The following PCDHGA1 variants were observed in gnomAD, a reference collection of about 807,000 sequenced individuals.
PCDHGA1 encodes protocadherin gamma-A1.
A neutral mutation model predicts 58.0 loss-of-function variants in PCDHGA1; 32 were observed. The ratio of observed to expected loss-of-function variants is 0.55; its 90% CI spans 0.42 to 0.74. The LOEUF (loss-of-function observed/expected upper bound fraction) is 0.74. Among genes scored for constraint, PCDHGA1 ranks in the 30% least tolerant of loss-of-function variants. PCDHGA1 has a pLI of 0.00. For missense variants in PCDHGA1, 1,205 were observed against 1,182.3 expected, an observed-to-expected ratio of 1.02 and a Z score of -0.28; for synonymous variants, 498 against 501.1, an observed-to-expected ratio of 0.99 and a Z score of 0.08.
chr5:141,397,695 C>T lies in PCDHGA1; in HGVS notation c.2421+64590C>T, dbSNP rs146807025. ...AATGTATGCAGGTTTGTATAAAAAC[C>T]CAACGTGATATTTCTAACAATTTGG... On this transcript the variant is annotated intron_variant, in intron 1 of 3. Coordinates refer to ENST00000517417, the MANE Select transcript of PCDHGA1 (RefSeq NM_018912.3). 1.4e-3 allele frequency among the ~76,000 whole-genome samples: 211 copies of T among 152,210 alleles called. 1 individual carries two copies. Among genetic ancestry groups the T allele is most frequent in the African/African-American group, 4.7e-3 (197 of 41,534 alleles).
chr5:141,367,034 G>A, intron 1 of PCDHGA1: 2 of 369,536 alleles, frequency 5.4e-6, no homozygotes, highest in South Asian at 8.1e-5. Flanking sequence ...TGGAACTGCA[G>A]TTCTATTAAT....
chr5:141,486,287 A>G lies in PCDHGA1; in HGVS notation c.2422-8520A>G, dbSNP rs1484787777. Reference sequence around the variant, plus strand: ...AGAACCTGGCACTGTGGTGGCACTTATCAGTGTGCAGGATCCAGACTCAGG... The same window carrying G: ...AGAACCTGGCACTGTGGTGGCACTTGTCAGTGTGCAGGATCCAGACTCAGG... On this transcript the variant is annotated intron_variant, in intron 1 of 3. Transcript: ENST00000517417. The surrounding 1 kb of genome is among the most constrained non-coding windows in gnomAD (Gnocchi z 5.0). 1 of 1,613,912 alleles carries G rather than the reference A, an allele frequency of 6.2e-7. No homozygotes were observed. The highest frequency in any genetic ancestry group is 8.5e-7 in the Non-Finnish European group (1 of 1,179,970).
At chr5:141,419,959 T>C (rs765017440) in intron 1 of PCDHGA1, 5 of 1,614,104 alleles carry the variant, frequency 3.1e-6, no homozygotes, top group Non-Finnish European at 3.4e-6. Flanking sequence ...CCTTGATTTC[T>C]GTGCTCTTTC....
intron 1 of PCDHGA1, chr5:141,361,279 G>A (rs1456239638): frequency 1.2e-6 from 2 of 1,613,892 alleles, no homozygotes; most frequent in Middle Eastern, 1.6e-4. Context: ...AAATGGAGAA[G>A]TTTACTGCCA....
chr5:141,348,407 GA>G, intron 1 of PCDHGA1, among the ~76,000 whole-genome samples: 1 of 151,890 alleles, frequency 6.6e-6, no homozygotes, highest in East Asian at 1.9e-4. Context: ...TGTCTCAAAA[GA>G]AAAAGGCACG....
intron 1 of PCDHGA1, among the ~76,000 whole-genome samples, chr5:141,451,284 G>C (rs950768919): frequency 2.6e-5 from 4 of 152,186 alleles, no homozygotes; most frequent in African/African-American, 9.7e-5. Flanking sequence ...GAGTGCCTCT[G>C]CCTCAAAGTC....
In PCDHGA1 at chr5:141,395,071, A is replaced by G. The variant is rs767254764; in HGVS notation, c.2421+61966A>G. 27 of 1,614,100 alleles carry G rather than the reference A, an allele frequency of 1.7e-5. No individual in the cohort carries two copies. Among genetic ancestry groups the G allele is most frequent in the East Asian group, 2.2e-5 (1 of 44,880 alleles). The stretch of plus-strand genomic sequence containing the variant: ...GAGGTACAGGCTTTCCTGCAGACCT[A>G]TTCCCAGGAAGTCTCCCTCACCGCC... On this transcript the variant is annotated intron_variant, in intron 1 of 3. Transcript: ENST00000517417.
chr5:141,349,295 C>T (rs1758269433), intron 1 of PCDHGA1, among the ~76,000 whole-genome samples: 1 of 152,174 alleles, frequency 6.6e-6, no homozygotes, highest in South Asian at 2.1e-4. Context: ...GTCTCAAACT[C>T]CTGACCTCAT....
At position 141,383,329 on chromosome 5, in the gene PCDHGA1, G is replaced by A. The variant is rs143729030; in HGVS notation, c.2421+50224G>A. 347 of 1,613,980 alleles carry A rather than the reference G, an allele frequency of 2.1e-4. 3 individuals are homozygous for A. The East Asian group carries it at 5.6e-3, about 26-fold the overall frequency. On this transcript the variant is annotated intron_variant, in intron 1 of 3. Transcript: ENST00000517417. ...GGAAGAAATAAATGTAAAAATAATG[G>A]AGAATACAGCTCCTGGGGTTCGGTT...
chr5:141,433,367 C>CTATA, intron 1 of PCDHGA1: 2 of 549,818 alleles, frequency 3.6e-6, no homozygotes, highest in South Asian at 4.5e-5. Flanking sequence ...GCCTATCTAT[C>CTATA]TATCTATCTA....
chr5:141,389,597 G>A (rs372987681), intron 1 of PCDHGA1: 95 of 1,613,008 alleles, frequency 5.9e-5, no homozygotes, highest in Non-Finnish European at 7.5e-5. Context: ...ACGGCTCTGC[G>A]CTCTTCGATA....
chr5:141,431,839 T>A lies in PCDHGA1; in HGVS notation c.2422-62968T>A. The A allele has an allele frequency of 1.2e-6, 2 of 1,614,198 alleles. No individual in the cohort carries two copies. The highest frequency in any genetic ancestry group is 1.7e-6 in the Non-Finnish European group (2 of 1,180,028). The stretch of plus-strand genomic sequence containing the variant: ...TCGCCAGCTCGGTTCCCGAAAACTC[T>A]CCCAGAGGGACATTAATTGCCCTTT... On this transcript the variant is annotated intron_variant, in intron 1 of 3. Coordinates refer to ENST00000517417, the MANE Select transcript of PCDHGA1 (RefSeq NM_018912.3). This position sits in a 1 kb window ranked among gnomAD's most constrained non-coding sequence, Gnocchi z 4.8.
chr5:141,382,985 G>A (rs769787880), intron 1 of PCDHGA1: 50 of 1,613,304 alleles, frequency 3.1e-5, no homozygotes, highest in Non-Finnish European at 4.2e-5. Flanking sequence ...GCCTGGGCAG[G>A]ACGTATTCTC....
chr5:141,366,388 T>G, intron 1 of PCDHGA1: 5 of 1,614,152 alleles, frequency 3.1e-6, no homozygotes, highest in Non-Finnish European at 4.2e-6. Context: ...ACCCTGAGGA[T>G]CTGGACCTCA....
intron 1 of PCDHGA1, among the ~76,000 whole-genome samples, chr5:141,444,466 C>A (rs539222916): frequency 1.3e-5 from 2 of 151,982 alleles, no homozygotes; most frequent in African/African-American, 4.8e-5. Flanking sequence ...TCACTGCGCC[C>A]GGTCGCGTAC....
In PCDHGA1 at chr5:141,511,074, C is replaced by G; in HGVS notation, c.2697C>G (p.Ser899Arg). 1.2e-6 allele frequency: 2 copies of G among 1,614,238 alleles called. No homozygotes were observed. The highest frequency in any genetic ancestry group is 1.7e-6 in the Non-Finnish European group (2 of 1,180,040). ...GCCAGAATGTCTACATCCCAGGCAGCAATGCCACACTGACCAACGCAGCTG... is the reference window on the plus strand; with the variant it reads ...GCCAGAATGTCTACATCCCAGGCAGGAATGCCACACTGACCAACGCAGCTG... The part of the protein sequence containing the change: ...DYRQNVYIPG[S>R]NATLTNAAGK... Residue 899 changes from serine (S) to arginine (R), a missense_variant, in exon 4 of 4, where the codon AGC becomes AGG. Coordinates refer to ENST00000517417, the MANE Select transcript of PCDHGA1 (RefSeq NM_018912.3).
At chr5:141,481,220 C>T (rs896803040) in intron 1 of PCDHGA1, among the ~76,000 whole-genome samples, 1 of 152,130 alleles carries the variant, frequency 6.6e-6, no homozygotes, top group African/African-American at 2.4e-5. Context: ...GGTAAGGTCT[C>T]CCAGCCTTAA....
In PCDHGA1 at chr5:141,375,892, G is replaced by C. The variant is rs753797132; in HGVS notation, c.2421+42787G>C. On this transcript the variant is annotated intron_variant, in intron 1 of 3. Transcript: ENST00000517417. ...ACAGAGACTCGGGCCAGAACGCCTG[G>C]CTGTCCTACCGCCTGCTCAAGGCCA... is the stretch of plus-strand genomic sequence containing the variant. 5 of 1,613,676 alleles carry C rather than the reference G, an allele frequency of 3.1e-6. No individual in the cohort carries two copies. In the Admixed American group the frequency reaches 8.3e-5, roughly 27 times the overall value.
In PCDHGA1 at chr5:141,385,085, A is replaced by G. The variant is rs753751562; in HGVS notation, c.2421+51980A>G. The G allele has an allele frequency of 1.1e-5, 18 of 1,614,014 alleles. No homozygotes were observed. In the Admixed American group the frequency reaches 3.0e-4, roughly 27 times the overall value. On this transcript the variant is annotated intron_variant, in intron 1 of 3. Transcript: ENST00000517417. ...AAGTCACGCCTGCTGCAGGCTTCAGAAGGTGGCTTGGCGAACGTGCCCACC... is the reference window on the plus strand; with the variant it reads ...AAGTCACGCCTGCTGCAGGCTTCAGGAGGTGGCTTGGCGAACGTGCCCACC...
Sources: allele counts gnomAD v4.1 joint callset (sites outside exome capture counted in the v4.1 genomes callset), GRCh38; gene constraint gnomAD v4.1.1; non-coding constraint Gnocchi (gnomAD v3.1); transcripts MANE v1.5; gene names NCBI Gene and HGNC (gene_info 2026-07-23, HGNC 2026-07-21).